The following PHF24 variants were observed in gnomAD, a reference collection of about 807,000 sequenced individuals.
PHF24 encodes the protein Galpha inhibitory interacting protein.
PHF24 carries 25 observed loss-of-function variants against 42.6 expected under a neutral mutation model. The observed-to-expected ratio is 0.59, with a 90% CI of 0.43 to 0.82. The LOEUF is 0.82. PHF24 is among the 40% of genes least tolerant of loss of function. The pLI is 0.00. For synonymous variants in PHF24, 185 were observed against 204.8 expected (o/e 0.90, Z 0.83); for missense variants, 470 against 538.1 (o/e 0.87, Z 1.25).
chr9:34,816,637 A>G, the PHF24 span, among the ~76,000 whole-genome samples: 2 of 152,170 alleles, frequency 1.3e-5, no homozygotes, highest in Non-Finnish European at 2.9e-5. Flanking sequence ...ACTCTTTTAT[A>G]AGGGCACCAA....
chr9:34,725,066 T>C, the PHF24 span: 3 of 1,551,876 alleles, frequency 1.9e-6, no homozygotes, highest in Middle Eastern at 3.3e-4. Flanking sequence ...ACTTGCTGTC[T>C]GCAGTTCCAG....
chr9:34,803,282 G>A, the PHF24 span, among the ~76,000 whole-genome samples: 1 of 151,694 alleles, frequency 6.6e-6, no homozygotes, highest in African/African-American at 2.4e-5. Context: ...AAGAGCAATT[G>A]TTTTGGAATA....
the PHF24 span, among the ~76,000 whole-genome samples, chr9:34,815,319 TTTTGTTTG>T: frequency 1.3e-5 from 2 of 151,098 alleles, no homozygotes; most frequent in Non-Finnish European, 3.0e-5. Context: ...AGAATTCTTT[TTTTGTTTG>T]TTTGTTTGTT....
the PHF24 span, among the ~76,000 whole-genome samples, chr9:34,719,319 G>A: frequency 1.3e-3 from 204 of 152,314 alleles, 1 homozygote; most frequent in African/African-American, 4.6e-3. Flanking sequence ...GATTATAGGC[G>A]GGAGCCACAG....
the PHF24 span, among the ~76,000 whole-genome samples, chr9:34,685,299 G>A: frequency 7.9e-5 from 12 of 152,166 alleles, no homozygotes; most frequent in African/African-American, 2.9e-4. Context: ...TAGGAGTAGG[G>A]TGGGCATTGC....
At chr9:34,921,478 C>T in the PHF24 span, among the ~76,000 whole-genome samples, 551 of 152,286 alleles carry the variant, frequency 3.6e-3, 1 homozygote, top group South Asian at 0.026. Context: ...TTCCCTGCAT[C>T]TTTACTTTTA....
chr9:34,709,489 A>G, the PHF24 span: 1 of 1,613,952 alleles, frequency 6.2e-7, no homozygotes, highest in Non-Finnish European at 8.5e-7. Flanking sequence ...CACATCCCTC[A>G]GATTCCTCAC....
the PHF24 span, among the ~76,000 whole-genome samples, chr9:34,924,654 C>T: frequency 3.3e-5 from 5 of 152,034 alleles, no homozygotes; most frequent in Non-Finnish European, 5.9e-5. Flanking sequence ...TATTTTCAGT[C>T]TATTTGTGTC....
At chr9:34,851,639 G>A in the PHF24 span, among the ~76,000 whole-genome samples, 2 of 152,162 alleles carry the variant, frequency 1.3e-5, no homozygotes, top group African/African-American at 2.4e-5. Flanking sequence ...GCACTCCCTA[G>A]TGAGTTGAAC....
chr9:34,854,535 C>T, the PHF24 span, among the ~76,000 whole-genome samples: 1 of 152,108 alleles, frequency 6.6e-6, no homozygotes, highest in South Asian at 2.1e-4. Flanking sequence ...TCATTATTTA[C>T]CTACGAATCA....
chr9:34,941,232 G>A, the PHF24 span, among the ~76,000 whole-genome samples: 41 of 152,208 alleles, frequency 2.7e-4, no homozygotes, highest in East Asian at 7.0e-3. Context: ...TCAGAATGTT[G>A]CCACCAAGCT....
the PHF24 span, among the ~76,000 whole-genome samples, chr9:34,909,140 C>T: frequency 6.6e-6 from 1 of 151,998 alleles, no homozygotes; most frequent in South Asian, 2.1e-4. Context: ...GCCACCATGC[C>T]CGGCCCCCTT....
chr9:34,812,102 G>A, the PHF24 span, among the ~76,000 whole-genome samples: 1 of 152,188 alleles, frequency 6.6e-6, no homozygotes, highest in Non-Finnish European at 1.5e-5. Flanking sequence ...TGGATGCAGT[G>A]ACATGTGCTT....
At chr9:34,672,786 ATTTCT>A in the PHF24 span, among the ~76,000 whole-genome samples, 3 of 152,108 alleles carry the variant, frequency 2.0e-5, no homozygotes, top group African/African-American at 7.2e-5. Context: ...TTGGGATTAA[ATTTCT>A]TTTATTTATT....
At chr9:34,731,545 T>C in the PHF24 span, among the ~76,000 whole-genome samples, 1 of 152,154 alleles carries the variant, frequency 6.6e-6, no homozygotes, top group South Asian at 2.1e-4. Flanking sequence ...AGTGAGAACA[T>C]GCAAAATTAT....
the PHF24 span, among the ~76,000 whole-genome samples, chr9:34,684,648 A>T: frequency 6.6e-6 from 1 of 152,294 alleles, no homozygotes; most frequent in African/African-American, 2.4e-5. Context: ...TGCAGTGTTG[A>T]GGCCCTGACA....
the PHF24 span, among the ~76,000 whole-genome samples, chr9:34,683,125 A>G: frequency 6.6e-6 from 1 of 151,700 alleles, no homozygotes; most frequent in Non-Finnish European, 1.5e-5. Flanking sequence ...CAATGGCACA[A>G]TCTCAGCTCA....
chr9:34,793,808 C>T, the PHF24 span, among the ~76,000 whole-genome samples: 6 of 151,404 alleles, frequency 4.0e-5, no homozygotes, highest in Non-Finnish European at 7.4e-5. Context: ...GTCCCAGCCC[C>T]CAAGCAATGA....
At chr9:34,861,884 A>G in the PHF24 span, among the ~76,000 whole-genome samples, 29 of 152,238 alleles carry the variant, frequency 1.9e-4, no homozygotes, top group Non-Finnish European at 3.5e-4. Context: ...TCAATACTAG[A>G]ACAAATCAAA....
Sources: gnomAD v4.1 joint callset for allele counts (sites outside exome capture counted in the v4.1 genomes callset) on GRCh38, gnomAD v4.1.1 for gene constraint, MANE v1.5 for transcripts, NCBI Gene and HGNC (gene_info 2026-07-23, HGNC 2026-07-21) for gene names.